ADAMTS7: variants seen among roughly 807,000 people sequenced by gnomAD.
The protein encoded by ADAMTS7 is A disintegrin and metalloproteinase with thrombospondin motifs 7.
Under a neutral mutation model 172.6 loss-of-function variants are expected in ADAMTS7, and 89 were observed. The observed-to-expected ratio is 0.52, with a 90% CI of 0.43 to 0.61. The LOEUF is 0.61. ADAMTS7 is among the 20% of genes least tolerant of loss of function. ADAMTS7 has a pLI of 0.00. For synonymous variants in ADAMTS7, 885 were observed against 978.4 expected, an observed-to-expected ratio of 0.90 and a Z score of 1.78; for missense variants, 1,973 against 2,355.6, an observed-to-expected ratio of 0.84 and a Z score of 3.36.
intron 1 of ADAMTS7, among the ~76,000 whole-genome samples, chr15:78,801,857 T>C (rs1048887374): frequency 6.6e-6 from 1 of 151,984 alleles, no homozygotes; most frequent in Non-Finnish European, 1.5e-5. Context: ...TTTTTTTATT[T>C]TTAATTTTTT....
At chr15:78,803,479 G>GTC (rs1035077306) in intron 1 of ADAMTS7, among the ~76,000 whole-genome samples, 2 of 146,208 alleles carry the variant, frequency 1.4e-5, no homozygotes, top group Admixed American at 6.9e-5. Context: ...TTGAGACAGA[G>GTC]TCTCTCTCTG....
chr15:78,759,546 A>C lies in ADAMTS7; in HGVS notation c.4936T>G (p.Cys1646Gly). The change falls in exon 24 of 24, where the codon TGC (cysteine) becomes GGC (glycine). Residue 1646 changes from cysteine (C) to glycine (G), a missense_variant. By Grantham distance (159) the Cys-to-Gly change is radical. Transcript: ENST00000388820. ...CGGCCCAGTAGGCGCAGCGTCTCGC[A>C]GAACCCGAAGGACAGGCGGTCCCGC... The part of the protein sequence containing the change: ...CERDRLSFGF[C>G]ETLRLLGRCQ... 1 of 1,594,782 alleles carries C rather than the reference A, an allele frequency of 6.3e-7. No homozygotes were observed. The highest frequency in any genetic ancestry group is 8.5e-7 in the Non-Finnish European group (1 of 1,176,170).
chr15:78,777,375 G>A (rs2055362889), intron 9 of ADAMTS7, 69 bp downstream of exon 9: 2 of 1,545,206 alleles, frequency 1.3e-6, no homozygotes, highest in East Asian at 2.4e-5. Flanking sequence ...TCCACGGGCT[G>A]GTGAGAGCTG....
At chr15:78,779,325 C>A (rs1195502999) in intron 8 of ADAMTS7, among the ~76,000 whole-genome samples, 3 of 152,198 alleles carry the variant, frequency 2.0e-5, no homozygotes, top group Non-Finnish European at 4.4e-5. Flanking sequence ...TGGGCAGACT[C>A]TACCATCATC....
At chr15:78,764,211 A>G in intron 20 of ADAMTS7, 112 bp from the exon 21 acceptor site, 1 of 1,374,656 alleles carries the variant, frequency 7.3e-7, no homozygotes, top group Non-Finnish European at 9.6e-7. Flanking sequence ...GCCCGGGGGA[A>G]TAGCTGAAGA....
chr15:78,798,584 T>C (rs1348404004), intron 2 of ADAMTS7, among the ~76,000 whole-genome samples: 4 of 152,156 alleles, frequency 2.6e-5, no homozygotes, highest in African/African-American at 9.6e-5. Context: ...CCTAAGGCAA[T>C]GAATCACTCC....
chr15:78,786,254 G>T (rs538013759), intron 8 of ADAMTS7, among the ~76,000 whole-genome samples: 4 of 152,212 alleles, frequency 2.6e-5, no homozygotes, highest in African/African-American at 7.2e-5. Context: ...AAGGTCTGAT[G>T]GGACAAAAGA....
At chr15:78,808,062 C>T (rs1389487495) in intron 1 of ADAMTS7, among the ~76,000 whole-genome samples, 1 of 151,944 alleles carries the variant, frequency 6.6e-6, no homozygotes, top group African/African-American at 2.4e-5. Context: ...CATTATGCTG[C>T]CCAGGCTGGT....
chr15:78,806,091 A>ACACACACACACAC (rs1318537417), intron 1 of ADAMTS7, among the ~76,000 whole-genome samples: 275 of 27,432 alleles, frequency 0.01, 17 homozygotes, highest in African/African-American at 0.04. Flanking sequence ...CCCCCCCAAA[A>ACACACACACACAC]ACACACACAC....
rs1475420628 is a variant in ADAMTS7 at position 78,771,486 on chromosome 15, A to C, written c.2376+99T>G. Reference sequence around the variant, plus strand: ...GCTCAGAGCCAGGCTCTGTGACTGAACCAGGGCTCACTCCTCCAGGACGAG... The same window carrying C: ...GCTCAGAGCCAGGCTCTGTGACTGACCCAGGGCTCACTCCTCCAGGACGAG... On this transcript the variant is annotated intron_variant, in intron 15 of 23. Coordinates refer to ENST00000388820, the MANE Select transcript of ADAMTS7 (RefSeq NM_014272.5). This position sits in a 1 kb window ranked among gnomAD's most constrained non-coding sequence, Gnocchi z 4.9. 5 of 1,539,566 alleles carry C rather than the reference A, an allele frequency of 3.2e-6. No homozygotes were observed. The highest frequency in any genetic ancestry group is 4.4e-6 in the Non-Finnish European group (5 of 1,146,078).
chr15:78,790,715 C>T lies in ADAMTS7; in HGVS notation c.983G>A (p.Gly328Glu), dbSNP rs779759822. 4 of 1,613,884 alleles carry T rather than the reference C, an allele frequency of 2.5e-6. No homozygotes were observed. The highest frequency in any genetic ancestry group is 1.7e-5 in the Admixed American group (1 of 59,994). ...CKWQKSINMKGDAHPLHHDTA... is the reference protein window; with the variant it reads ...CKWQKSINMKEDAHPLHHDTA... ...GTCATGGTGCAGGGGATGGGCATCC[C>T]CCTTCATGTTGATGCTTTTCTGCCA... is the stretch of plus-strand genomic sequence containing the variant. The change falls in exon 6 of 24, where the codon GGG becomes GAG. Residue 328 changes from glycine (G) to glutamate (E), a missense_variant. Physicochemically the swap from Gly to Glu is moderately conservative, Grantham distance 98. Transcript: ENST00000388820.
At chr15:78,761,775 T>C (rs12898346) in intron 23 of ADAMTS7, 321,785 of 838,644 alleles carry the variant, frequency 0.38, 71,796 homozygotes, top group Non-Finnish European at 0.42. Context: ...CACGCACACA[T>C]GCTGGAGGCG....
chr15:78,765,906 G>C lies in ADAMTS7; in HGVS notation c.4005C>G (p.Thr1335=), dbSNP rs1010487535. ...GGCCAGTCAGGGTTGTGGGGAGGAA[G>C]GTCCCCCACACTGCCACAGTCTGCA... The part of the protein sequence containing the change: ...WDLQTVAVWG[T]FLPTTLTGLG... The change falls in exon 19 of 24, where the codon ACC becomes ACG. Residue 1335 remains threonine (T), a synonymous_variant. Transcript: ENST00000388820. 1 of 1,576,242 alleles carries C rather than the reference G, an allele frequency of 6.3e-7. No individual in the cohort carries two copies. Among genetic ancestry groups the C allele is most frequent in the Non-Finnish European group, 8.6e-7 (1 of 1,160,920 alleles).
Position 78,776,260 on chromosome 15 carries a change from C to A in ADAMTS7, c.1634G>T (p.Ser545Ile). ...GCTCCGTGAGCAGATGGACCAGGCGCTCCAGCCAGACCAGCCACCATCCAC... is the reference window on the plus strand; with the variant it reads ...GCTCCGTGAGCAGATGGACCAGGCGATCCAGCCAGACCAGCCACCATCCAC... Reference protein sequence around the residue: ...EAVDGGWSGWSAWSICSRSCG... With the variant: ...EAVDGGWSGWIAWSICSRSCG... The change falls in exon 11 of 24, where the codon AGC becomes ATC. Residue 545 changes from serine (S) to isoleucine (I), a missense_variant. Physicochemically the swap from Ser to Ile is moderately radical, Grantham distance 142. Transcript: ENST00000388820. The A allele has an allele frequency of 6.2e-7, 1 of 1,611,796 alleles. No individual in the cohort carries two copies. The highest frequency in any genetic ancestry group is 8.5e-7 in the Non-Finnish European group (1 of 1,179,848).
At chr15:78,795,632 T>C (rs569414686) in intron 4 of ADAMTS7, among the ~76,000 whole-genome samples, 78 of 152,202 alleles carry the variant, frequency 5.1e-4, no homozygotes, top group African/African-American at 1.8e-3. Flanking sequence ...CAGGGCTCCT[T>C]TAGATATTAT....
rs1281001441 is a variant in ADAMTS7, at chr15:78,771,789, C to T, written c.2172G>A (p.Glu724=). ...DVGLIPAGAR[E]IRIQEVAEAA... ...CCTCGGCAACCTCTTGGATGCGGAT[C>T]TCGCGTGCGCCCGCTGGGATCAGCC... The change falls in exon 15 of 24, where the codon GAG becomes GAA. Residue 724 remains glutamate (E), a synonymous_variant. Coordinates refer to ENST00000388820, the MANE Select transcript of ADAMTS7 (RefSeq NM_014272.5). The surrounding 1 kb of genome is among the most constrained non-coding windows in gnomAD (Gnocchi z 4.9). 6.2e-7 allele frequency: 1 copy of T among 1,612,680 alleles called. No homozygotes were observed. The highest frequency in any genetic ancestry group is 2.2e-5 in the East Asian group (1 of 44,880).
At chr15:78,806,418 A>G (rs1286593147) in intron 1 of ADAMTS7, among the ~76,000 whole-genome samples, 11 of 152,200 alleles carry the variant, frequency 7.2e-5, no homozygotes, top group Non-Finnish European at 1.6e-4. Context: ...AAGAAGTTTA[A>G]TCTTGGTCCA....
Position 78,771,970 on chromosome 15 carries a change from A to C in ADAMTS7, c.2132-141T>G. On this transcript the variant is annotated intron_variant, in intron 14 of 23. Coordinates refer to ENST00000388820, the MANE Select transcript of ADAMTS7 (RefSeq NM_014272.5). This position sits in a 1 kb window ranked among gnomAD's most constrained non-coding sequence, Gnocchi z 4.9. ...AGTCTGAGCTCCCTAAATTGCTCGG[A>C]TCTGTCATGGGTCACCAAAACCTCG... 1 of 1,310,834 alleles carries C rather than the reference A, an allele frequency of 7.6e-7. No homozygotes were observed. Among genetic ancestry groups the C allele is most frequent in the African/African-American group, 1.5e-5 (1 of 67,794 alleles). 81.2% of individuals were successfully genotyped at this position (1,310,834 alleles called of 1,614,324 possible).
chr15:78,771,976 C>G lies in ADAMTS7; in HGVS notation c.2132-147G>C. 8.0e-7 allele frequency: 1 copy of G among 1,252,426 alleles called. No individual in the cohort carries two copies. Among genetic ancestry groups the G allele is most frequent in the Non-Finnish European group, 1.1e-6 (1 of 926,668 alleles). 77.6% of individuals were successfully genotyped at this position (1,252,426 alleles called of 1,614,324 possible). On this transcript the variant is annotated intron_variant, in intron 14 of 23. Coordinates refer to ENST00000388820, the MANE Select transcript of ADAMTS7 (RefSeq NM_014272.5). This position sits in a 1 kb window ranked among gnomAD's most constrained non-coding sequence, Gnocchi z 4.9. Reference sequence around the variant, plus strand: ...AGCTCCCTAAATTGCTCGGATCTGTCATGGGTCACCAAAACCTCGCAGAGG... The same window carrying G: ...AGCTCCCTAAATTGCTCGGATCTGTGATGGGTCACCAAAACCTCGCAGAGG...
Sources: gnomAD v4.1 joint callset for allele counts (sites outside exome capture counted in the v4.1 genomes callset) on GRCh38, gnomAD v4.1.1 for gene constraint, Gnocchi (gnomAD v3.1) non-coding constraint, MANE v1.5 for transcripts, NCBI Gene and HGNC (gene_info 2026-07-23, HGNC 2026-07-21) for gene names.